Variants in WRN observed in about 807,000 individuals in gnomAD.
WRN encodes the protein bifunctional 3'-5' exonuclease/ATP-dependent helicase WRN.
A neutral mutation model predicts 180.7 loss-of-function variants in WRN; 149 were observed. The observed-to-expected ratio is 0.82, with a 90% CI of 0.72 to 0.94. The LOEUF (loss-of-function observed/expected upper bound fraction) is 0.94. Ranked by LOEUF, WRN falls within the 40% of genes least tolerant of loss-of-function variation. The pLI is 0.00. For missense variants in WRN, 1,661 were observed against 1,700.1 expected, an observed-to-expected ratio of 0.98 and a Z score of 0.40; for synonymous variants, 548 against 568.9, an observed-to-expected ratio of 0.96 and a Z score of 0.52.
intron 21 of WRN, among the ~76,000 whole-genome samples, chr8:31,123,595 G>T (rs1418966154): frequency 6.6e-6 from 1 of 152,086 alleles, no homozygotes; most frequent in African/African-American, 2.4e-5. Flanking sequence ...ATTATGCAGA[G>T]GTATTTAATC....
At position 31,091,827 on chromosome 8, in the gene WRN, T is replaced by C. The variant is rs1241338285; in HGVS notation, c.1830-3T>C. 11 of 1,612,788 alleles carry C rather than the reference T, an allele frequency of 6.8e-6. No homozygotes were observed. Among genetic ancestry groups the C allele is most frequent in the African/African-American group, 5.3e-5 (4 of 74,886 alleles). The stretch of plus-strand genomic sequence containing the variant: ...GCCAGAATATTTGTTTTTCTTCTTA[T>C]AGAATGTCCAACATCCCAGCTTGCT... On this transcript the variant is annotated splice_polypyrimidine_tract_variant and splice_region_variant and intron_variant, in intron 15 of 34. Transcript: ENST00000298139.
In WRN at chr8:31,149,455, GTTTTTTTTTTTTTTTTTTTTTTT is replaced by G. The variant is rs71208105; in HGVS notation, c.3573-872_3573-850del. Among the ~76,000 whole-genome samples, 5 of 51,988 alleles carry G rather than the reference GTTTTTTTTTTTTTTTTTTTTTTT, an allele frequency of 9.6e-5. No individual in the cohort carries two copies. The East Asian group carries it at 3.4e-3, about 35-fold the overall frequency. 34.1% of individuals were successfully genotyped at this position (51,988 alleles called of 152,430 possible). ...TCTAAGACCATACTTTAATAGAGGTGTTTTTTTTTTTTTTTTTTTTTTTTTTTTTTTTTTTTGGTGATAGAGTC... is the reference window on the plus strand; with the variant it reads ...TCTAAGACCATACTTTAATAGAGGTGTTTTTTTTTTTTTGGTGATAGAGTC... On this transcript the variant is annotated intron_variant, in intron 30 of 34. Coordinates refer to ENST00000298139, the MANE Select transcript of WRN (RefSeq NM_000553.6).
At chr8:31,062,141 G>C (rs1488748517) in intron 3 of WRN, among the ~76,000 whole-genome samples, 1 of 152,122 alleles carries the variant, frequency 6.6e-6, no homozygotes, top group African/African-American at 2.4e-5. Context: ...TTCCCTTAGA[G>C]ATCATAGTCC....
At position 31,111,800 on chromosome 8, in the gene WRN, G is replaced by GT; in HGVS notation, c.2273+2dup. The GT allele has an allele frequency of 6.2e-7, 1 of 1,613,178 alleles. No homozygotes were observed. The highest frequency in any genetic ancestry group is 2.2e-5 in the East Asian group (1 of 44,798). Reference sequence around the variant, plus strand: ...TGCAGCCATTTCTTGTCAAAACAAGGTAAGGATTTAATGGTTGATGAATTT... The same window carrying GT: ...TGCAGCCATTTCTTGTCAAAACAAGGTTAAGGATTTAATGGTTGATGAATTT... On this transcript the variant is annotated splice_donor_variant, in intron 19 of 34. Coordinates refer to ENST00000298139, the MANE Select transcript of WRN (RefSeq NM_000553.6). LOFTEE classifies it high-confidence loss of function.
At chr8:31,093,530 T>TA (rs1813841091) in intron 16 of WRN, among the ~76,000 whole-genome samples, 2 of 152,220 alleles carry the variant, frequency 1.3e-5, no homozygotes, top group Non-Finnish European at 2.9e-5. Flanking sequence ...TTTGGACTGT[T>TA]ACTAATAAAG....
rs1804181848 is a variant in WRN, at chr8:31,173,624, T to G, written c.*522T>G. 2 of 171,608 alleles carry G rather than the reference T, an allele frequency of 1.2e-5. No individual in the cohort carries two copies. The highest frequency in any genetic ancestry group is 2.5e-5 in the Non-Finnish European group (2 of 79,640). The allele number at this position is 171,608 out of a possible 1,614,324, so 10.6% of individuals were successfully genotyped here. Reference sequence around the variant, plus strand: ...AGTGAAAATGAAACCGCATTTTGGGTGCCATTAAATAGGGAAAAAACATGT... The same window carrying G: ...AGTGAAAATGAAACCGCATTTTGGGGGCCATTAAATAGGGAAAAAACATGT... On this transcript the variant is annotated 3_prime_UTR_variant, in exon 35 of 35. Transcript: ENST00000298139.
intron 1 of WRN, among the ~76,000 whole-genome samples, chr8:31,035,068 T>C (rs892871354): frequency 6.6e-6 from 1 of 152,132 alleles, no homozygotes; most frequent in Non-Finnish European, 1.5e-5. Flanking sequence ...TTATTTTTTT[T>C]CCCCCACAGT....
At chr8:31,119,692 TA>T (rs968306878) in intron 20 of WRN, among the ~76,000 whole-genome samples, 27 of 151,584 alleles carry the variant, frequency 1.8e-4, no homozygotes, top group Non-Finnish European at 2.5e-4. Flanking sequence ...TGTTATTACC[TA>T]AAAAAAAATT....
At chr8:31,104,387 CTGT>C (rs1801009531) in intron 18 of WRN, among the ~76,000 whole-genome samples, 1 of 152,050 alleles carries the variant, frequency 6.6e-6, no homozygotes, top group Admixed American at 6.5e-5. Context: ...TTGTTTTTTT[CTGT>C]TGAGTTTTAA....
At chr8:31,161,551 T>C (rs951457599) in intron 33 of WRN, among the ~76,000 whole-genome samples, 3 of 152,030 alleles carry the variant, frequency 2.0e-5, no homozygotes, top group Non-Finnish European at 2.9e-5. Flanking sequence ...AAAGATTTTT[T>C]AAAAAAGCTG....
At chr8:31,120,154 C>T (rs543755050) in intron 20 of WRN, 89 bp from the exon 21 acceptor site, 34 of 1,519,844 alleles carry the variant, frequency 2.2e-5, no homozygotes, top group Admixed American at 8.4e-5. Context: ...CTTAAGTTAA[C>T]GAACAAATTA....
intron 30 of WRN, among the ~76,000 whole-genome samples, 163 bp downstream of exon 30, chr8:31,147,639 C>T (rs1316822518): frequency 2.0e-5 from 3 of 152,192 alleles, no homozygotes; most frequent in Non-Finnish European, 2.9e-5. Context: ...GCTTTAGTAC[C>T]GTGTTTCTGT....
At chr8:31,099,760 C>G (rs1019396949) in intron 17 of WRN, among the ~76,000 whole-genome samples, 1 of 151,952 alleles carries the variant, frequency 6.6e-6, no homozygotes, top group African/African-American at 2.4e-5. Context: ...TATTTATTAA[C>G]CATAATAGGA....
chr8:31,078,215 TTGGAAA>T (rs1222414574), intron 8 of WRN, among the ~76,000 whole-genome samples: 2 of 152,202 alleles, frequency 1.3e-5, no homozygotes, highest in African/African-American at 2.4e-5. Context: ...TTCTTAAAAC[TTGGAAA>T]TGGGAAATAC....
At chr8:31,158,098 CT>C (rs1479394908) in intron 33 of WRN, among the ~76,000 whole-genome samples, 2 of 152,144 alleles carry the variant, frequency 1.3e-5, no homozygotes, top group Non-Finnish European at 1.5e-5. Flanking sequence ...AAAACGTGCA[CT>C]TTCATTTTTT....
chr8:31,134,844 CTG>C (rs1217592738), intron 24 of WRN, among the ~76,000 whole-genome samples: 1 of 152,154 alleles, frequency 6.6e-6, no homozygotes, highest in African/African-American at 2.4e-5. Context: ...TCTAGACAAA[CTG>C]TTTCATCTGA....
rs372314511 is a variant in WRN at position 31,100,997 on chromosome 8, A to C, written c.2088+42A>C. 70 of 1,525,496 alleles carry C rather than the reference A, an allele frequency of 4.6e-5. No homozygotes were observed. In the African/African-American group the frequency reaches 8.7e-4, roughly 19 times the overall value. The allele number at this position is 1,525,496 out of a possible 1,614,324, so 94.5% of individuals were successfully genotyped here. On this transcript the variant is annotated intron_variant, in intron 18 of 34. Coordinates refer to ENST00000298139, the MANE Select transcript of WRN (RefSeq NM_000553.6). ...CTGATGTCCCGAAATTACATTCTTA[A>C]TAAGGAGAGCATTCAGGATTGGGGA...
At chr8:31,164,168 A>G (rs1457834116) in intron 33 of WRN, among the ~76,000 whole-genome samples, 1 of 152,082 alleles carries the variant, frequency 6.6e-6, no homozygotes, top group East Asian at 1.9e-4. Context: ...GTACACTCAT[A>G]ATCATTAAAC....
chr8:31,096,930 C>T, intron 17 of WRN, 80 bp downstream of exon 17: 1 of 1,307,630 alleles, frequency 7.6e-7, no homozygotes, highest in South Asian at 1.2e-5. Context: ...CACTGGATTT[C>T]ACTTCTGTTA....
Sources: gnomAD v4.1 joint callset for allele counts (sites outside exome capture counted in the v4.1 genomes callset) on GRCh38, gnomAD v4.1.1 for gene constraint, MANE v1.5 for transcripts, NCBI Gene and HGNC (gene_info 2026-07-23, HGNC 2026-07-21) for gene names.